Variants in PARD3B observed in about 807,000 individuals in gnomAD.
PARD3B encodes the protein par-3 family cell polarity regulator beta.
A neutral mutation model predicts 130.2 loss-of-function variants in PARD3B; 103 were observed. That is an observed-to-expected ratio of 0.79 (90% CI 0.67 to 0.93). The LOEUF (loss-of-function observed/expected upper bound fraction) is 0.93. Ranked by LOEUF, PARD3B falls within the 40% of genes least tolerant of loss-of-function variation. PARD3B has a pLI of 0.00. For synonymous variants in PARD3B, 583 were observed against 553.2 expected (o/e 1.05, Z -0.76); for missense variants, 1,609 against 1,499.2 (o/e 1.07, Z -1.21).
At position 205,463,859 on chromosome 2, in the gene PARD3B, C is replaced by T. The variant is rs188110155; in HGVS notation, c.3044+23187C>T. On this transcript the variant is annotated intron_variant, in intron 20 of 22. Coordinates refer to ENST00000406610, the MANE Select transcript of PARD3B (RefSeq NM_001302769.2). This position sits in a 1 kb window ranked among gnomAD's most constrained non-coding sequence, Gnocchi z 4.8. ...GCAGCTGTTGCAGTAGCCTTAGGGA[C>T]TTTGCTTTGGAGTAAAAGCAGCCGA... is the stretch of plus-strand genomic sequence containing the variant. Among the ~76,000 whole-genome samples, 62 of 152,262 alleles carry T rather than the reference C, an allele frequency of 4.1e-4. 1 individual carries two copies. The Middle Eastern group carries it at 0.014, about 33-fold the overall frequency.
intron 22 of PARD3B, among the ~76,000 whole-genome samples, chr2:205,561,919 C>G (rs1021823984): frequency 6.6e-6 from 1 of 152,206 alleles, no homozygotes; most frequent in East Asian, 1.9e-4. Context: ...TGCTGAAAAT[C>G]TAGTCTCTAC....
intron 2 of PARD3B, among the ~76,000 whole-genome samples, chr2:204,896,156 A>G (rs2046633327): frequency 6.6e-6 from 1 of 152,188 alleles, no homozygotes; most frequent in Non-Finnish European, 1.5e-5. Context: ...GATTCTGCAA[A>G]TGCTAGCTAT....
rs113364039 is a variant in PARD3B at position 205,250,231 on chromosome 2, CT to C, written c.2185+4419del. Among the ~76,000 whole-genome samples the C allele has an allele frequency of 1.7e-4, 25 of 144,024 alleles. 1 individual carries two copies. In the South Asian group the frequency reaches 2.0e-3, roughly 11 times the overall value. The allele number at this position is 144,024 out of a possible 152,430, so 94.5% of individuals were successfully genotyped here. On this transcript the variant is annotated intron_variant, in intron 16 of 22. Transcript: ENST00000406610. ...TAAATTTTACTTTTTTTAGTGTCTT[CT>C]TTTTTTTTTGTTTTGATTTACTGCT...
chr2:205,134,596 C>G (rs1458373297), intron 10 of PARD3B, among the ~76,000 whole-genome samples: 1 of 152,156 alleles, frequency 6.6e-6, no homozygotes, highest in African/African-American at 2.4e-5. Flanking sequence ...CCTTCTCTCA[C>G]TTGTGCAATG....
At chr2:205,456,638 A>G (rs1413299711) in intron 20 of PARD3B, among the ~76,000 whole-genome samples, 1 of 151,786 alleles carries the variant, frequency 6.6e-6, no homozygotes, top group Admixed American at 6.6e-5. Context: ...ACTTCAGTTC[A>G]TATGATCTTG....
chr2:204,647,150 G>A (rs1462980091), intron 1 of PARD3B, among the ~76,000 whole-genome samples: 2 of 151,800 alleles, frequency 1.3e-5, no homozygotes, highest in African/African-American at 4.8e-5. Flanking sequence ...CTATTTCAAT[G>A]GGTGTTCAGT....
intron 22 of PARD3B, among the ~76,000 whole-genome samples, chr2:205,574,075 T>C (rs375559294): frequency 1.6e-4 from 24 of 152,178 alleles, no homozygotes; most frequent in African/African-American, 5.3e-4. Context: ...AAAACACTTA[T>C]TTCAAAATTT....
At position 205,254,481 on chromosome 2, in the gene PARD3B, A is replaced by G. The variant is rs530687751; in HGVS notation, c.2185+8659A>G. On this transcript the variant is annotated intron_variant, in intron 16 of 22. Transcript: ENST00000406610. ...ATGTATTGGTTTTCCTAATATTGCT[A>G]TTACTTCATGTAAGATGAAGGGTGT... Among the ~76,000 whole-genome samples, 106 of 152,146 alleles carry G rather than the reference A, an allele frequency of 7.0e-4. 1 individual carries two copies. Among genetic ancestry groups the G allele is most frequent in the African/African-American group, 2.5e-3 (102 of 41,520 alleles).
chr2:205,150,211 C>CTGTG (rs71409001), intron 10 of PARD3B, among the ~76,000 whole-genome samples: 2,704 of 134,206 alleles, frequency 0.02, 48 homozygotes, highest in East Asian at 0.09. Flanking sequence ...CAGCCAGGCT[C>CTGTG]TGTGTGTGTG....
intron 20 of PARD3B, among the ~76,000 whole-genome samples, chr2:205,453,876 T>C (rs1243297135): frequency 6.6e-6 from 1 of 152,220 alleles, no homozygotes; most frequent in East Asian, 1.9e-4. Context: ...TGGCACATGA[T>C]GCAAAATGCA....
At chr2:205,484,402 C>T (rs1391759504) in intron 20 of PARD3B, among the ~76,000 whole-genome samples, 1 of 152,144 alleles carries the variant, frequency 6.6e-6, no homozygotes, top group African/African-American at 2.4e-5. Flanking sequence ...TTTTTCTTCT[C>T]ATTAGTGTCT....
At chr2:205,492,746 T>A (rs1250458317) in intron 20 of PARD3B, among the ~76,000 whole-genome samples, 1 of 152,134 alleles carries the variant, frequency 6.6e-6, no homozygotes, top group Non-Finnish European at 1.5e-5. Context: ...ACTGGATAAT[T>A]TTCAGAGCTG....
At chr2:205,329,886 C>T (rs1354644204) in intron 18 of PARD3B, among the ~76,000 whole-genome samples, 2 of 151,836 alleles carry the variant, frequency 1.3e-5, no homozygotes, top group African/African-American at 2.4e-5. Flanking sequence ...CCCAGCTACT[C>T]GGGAGGCTGA....
chr2:204,898,147 CAAT>C (rs1002850530), intron 2 of PARD3B, among the ~76,000 whole-genome samples: 16 of 151,182 alleles, frequency 1.1e-4, no homozygotes, highest in East Asian at 3.9e-4. Context: ...GAACAAACAA[CAAT>C]GACAATAAAA....
At chr2:205,052,995 A>G (rs1201304772) in intron 4 of PARD3B, among the ~76,000 whole-genome samples, 1 of 152,156 alleles carries the variant, frequency 6.6e-6, no homozygotes, top group Non-Finnish European at 1.5e-5. Flanking sequence ...AAGGGAAAAT[A>G]CAGTGTTCTT....
chr2:204,813,289 G>A (rs888884316), intron 2 of PARD3B, among the ~76,000 whole-genome samples: 6 of 152,034 alleles, frequency 3.9e-5, no homozygotes, highest in South Asian at 2.1e-4. Flanking sequence ...ATAACGTTGA[G>A]CCTCTTTTTA....
chr2:204,722,481 C>T (rs112097179), intron 2 of PARD3B, among the ~76,000 whole-genome samples: 4 of 152,254 alleles, frequency 2.6e-5, no homozygotes, highest in African/African-American at 7.2e-5. Flanking sequence ...AAATGCTTCT[C>T]GGAATAATCA....
rs2055450644 is a variant in PARD3B at position 205,616,816 on chromosome 2, C to A, written c.*1003C>A. On this transcript the variant is annotated 3_prime_UTR_variant, in exon 23 of 23. Transcript: ENST00000406610. ...GTCCAGACTCAGTGCCAAGCAGTAA[C>A]CATCTGCACTCGGGGACAGCGAGGA... is the stretch of plus-strand genomic sequence containing the variant. 1 of 152,740 alleles carries A rather than the reference C, an allele frequency of 6.5e-6. No individual in the cohort carries two copies. The highest frequency in any genetic ancestry group is 6.5e-5 in the Admixed American group (1 of 15,294). The allele number at this position is 152,740 out of a possible 1,614,324, so 9.5% of individuals were successfully genotyped here.
At chr2:205,034,315 C>G (rs992279107) in intron 3 of PARD3B, among the ~76,000 whole-genome samples, 4 of 152,156 alleles carry the variant, frequency 2.6e-5, no homozygotes, top group African/African-American at 9.7e-5. Context: ...TGGTTCCACC[C>G]TGTTCTCCCA....
Sources: allele counts gnomAD v4.1 joint callset (sites outside exome capture counted in the v4.1 genomes callset), GRCh38; gene constraint gnomAD v4.1.1; non-coding constraint Gnocchi (gnomAD v3.1); transcripts MANE v1.5; gene names NCBI Gene and HGNC (gene_info 2026-07-23, HGNC 2026-07-21).